CACNA1D: variants seen among roughly 807,000 people sequenced by gnomAD.
The protein encoded by CACNA1D is voltage-dependent L-type calcium channel subunit alpha-1D.
In CACNA1D, 55 loss-of-function variants were observed where a neutral mutation model predicts 257.1. The ratio of observed to expected loss-of-function variants is 0.21; its 90% CI spans 0.17 to 0.27. The LOEUF (loss-of-function observed/expected upper bound fraction) is 0.27, where lower values mean the gene tolerates loss of function less well. Ranked by LOEUF, CACNA1D falls within the 10% of genes least tolerant of loss-of-function variation. The pLI, the probability that CACNA1D is intolerant of heterozygous loss-of-function variation, is 1.00. For synonymous variants in CACNA1D, 980 were observed against 1,014.9 expected, an observed-to-expected ratio of 0.97 and a Z score of 0.65; for missense variants, 1,876 against 2,784.0, an observed-to-expected ratio of 0.67 and a Z score of 7.34.
intron 3 of CACNA1D, among the ~76,000 whole-genome samples, chr3:53,520,832 T>A (rs2091525823): frequency 6.6e-6 from 1 of 151,786 alleles, no homozygotes; most frequent in South Asian, 2.1e-4. Flanking sequence ...CCTTTTTGGA[T>A]TTATGATTTG....
At chr3:53,730,682 C>A in intron 16 of CACNA1D, 126 bp downstream of exon 16, 1 of 749,538 alleles carries the variant, frequency 1.3e-6, no homozygotes, top group East Asian at 2.7e-5. Flanking sequence ...CTTTGTGGAT[C>A]ATGGTTGACC....
At chr3:53,542,876 A>G (rs949563140) in intron 3 of CACNA1D, among the ~76,000 whole-genome samples, 104 of 152,022 alleles carry the variant, frequency 6.8e-4, no homozygotes, top group Non-Finnish European at 1.0e-3. Flanking sequence ...ACCAACATGG[A>G]GAAACCCTGT....
intron 29 of CACNA1D, among the ~76,000 whole-genome samples, chr3:53,758,500 G>C (rs559596071): frequency 6.6e-6 from 1 of 152,264 alleles, no homozygotes; most frequent in Admixed American, 6.5e-5. Flanking sequence ...TGGCAAGAGG[G>C]CCAGGAATAA....
chr3:53,732,177 G>A (rs1434713401), intron 18 of CACNA1D, 95 bp downstream of exon 18: 14 of 956,026 alleles, frequency 1.5e-5, no homozygotes, highest in Non-Finnish European at 2.4e-5. Flanking sequence ...CAGCCCAGCA[G>A]CGTGCACATG....
At chr3:53,695,874 C>A (rs890149354) in intron 8 of CACNA1D, among the ~76,000 whole-genome samples, 3 of 152,190 alleles carry the variant, frequency 2.0e-5, no homozygotes, top group African/African-American at 7.2e-5. Context: ...TCTGTTCCTC[C>A]TTGCCTACAG....
At chr3:53,654,519 A>G (rs542971667) in intron 4 of CACNA1D, among the ~76,000 whole-genome samples, 6 of 152,304 alleles carry the variant, frequency 3.9e-5, no homozygotes, top group Admixed American at 1.3e-4. Context: ...TTTAAGATGT[A>G]TATTGTAAAC....
In CACNA1D at chr3:53,609,251, A is replaced by C. The variant is rs574025857; in HGVS notation, c.484-41528A>C. ...TGGTGAAACCCCATCTCTACTAAAA[A>C]TACAAAAAATTAGCTGGGCACGGTG... On this transcript the variant is annotated intron_variant, in intron 3 of 47. Transcript: ENST00000350061. 3.9e-5 allele frequency among the ~76,000 whole-genome samples: 6 copies of C among 152,220 alleles called. 1 individual carries two copies. In the South Asian group the frequency reaches 1.2e-3, roughly 32 times the overall value.
intron 8 of CACNA1D, among the ~76,000 whole-genome samples, chr3:53,683,099 A>G (rs2094447117): frequency 6.6e-6 from 1 of 152,146 alleles, no homozygotes; most frequent in South Asian, 2.1e-4. Context: ...AGGGCAGAGT[A>G]TGGGTGAGAA....
intron 11 of CACNA1D, 107 bp downstream of exon 11, chr3:53,719,888 A>G: frequency 9.9e-7 from 1 of 1,010,886 alleles, no homozygotes; most frequent in Non-Finnish European, 1.6e-6. Flanking sequence ...TCCTCTGTGG[A>G]TTATAACATT....
At chr3:53,503,314 T>G (rs1012340370) in intron 3 of CACNA1D, among the ~76,000 whole-genome samples, 2 of 152,224 alleles carry the variant, frequency 1.3e-5, no homozygotes, top group African/African-American at 4.8e-5. Flanking sequence ...ATGTAGCTTT[T>G]GATTTCTTTG....
At chr3:53,562,662 C>T (rs1194177123) in intron 3 of CACNA1D, among the ~76,000 whole-genome samples, 2 of 151,810 alleles carry the variant, frequency 1.3e-5, no homozygotes, top group Admixed American at 1.3e-4. Context: ...CCTCCCCCCC[C>T]AAATTCTCTT....
At chr3:53,660,799 T>G (rs1415092861) in intron 5 of CACNA1D, among the ~76,000 whole-genome samples, 1 of 150,870 alleles carries the variant, frequency 6.6e-6, no homozygotes, top group Non-Finnish European at 1.5e-5. Context: ...TGAATGCTTC[T>G]TACCTGGTGA....
At chr3:53,533,475 G>C (rs1032260687) in intron 3 of CACNA1D, among the ~76,000 whole-genome samples, 5 of 152,160 alleles carry the variant, frequency 3.3e-5, no homozygotes, top group Admixed American at 6.5e-5. Flanking sequence ...TCATTTTTCT[G>C]TCTTCTTCTG....
At chr3:53,695,518 C>G (rs1044555518) in intron 8 of CACNA1D, among the ~76,000 whole-genome samples, 1 of 152,100 alleles carries the variant, frequency 6.6e-6, no homozygotes, top group African/African-American at 2.4e-5. Flanking sequence ...GATGGGGTGT[C>G]ACGGGGCCCT....
rs2095245264 is a variant in CACNA1D, at chr3:53,753,843, A to G, written c.3786+161A>G. ...AAATCTGATTAGAGCATGTGTGTAT[A>G]TATGGGAAAATGAATCTGCAAGAAC... On this transcript the variant is annotated intron_variant, in intron 29 of 47. Coordinates refer to ENST00000350061, the MANE Select transcript of CACNA1D (RefSeq NM_001128840.3). Among the ~76,000 whole-genome samples the G allele has an allele frequency of 2.0e-5, 3 of 152,382 alleles. No homozygotes were observed. The South Asian group carries it at 6.2e-4, about 32-fold the overall frequency.
Position 53,680,214 on chromosome 3 carries a change from G to A in CACNA1D, c.1220+7088G>A, listed in dbSNP as rs558618320. ...GGAAACGAGGTAAGTGAAAGTTTTC[G>A]CTGATCCTTGTTTCCATCAAGCTGA... On this transcript the variant is annotated intron_variant, in intron 8 of 47. Coordinates refer to ENST00000350061, the MANE Select transcript of CACNA1D (RefSeq NM_001128840.3). 7.9e-4 allele frequency among the ~76,000 whole-genome samples: 121 copies of A among 152,284 alleles called. No individual in the cohort carries two copies. In the South Asian group the frequency reaches 9.7e-3, roughly 12 times the overall value.
At chr3:53,590,856 C>T (rs766971003) in intron 3 of CACNA1D, among the ~76,000 whole-genome samples, 6 of 152,176 alleles carry the variant, frequency 3.9e-5, no homozygotes, top group Admixed American at 6.6e-5. Flanking sequence ...GGTGAGCATC[C>T]GGAAACATCT....
At chr3:53,803,622 G>A in intron 44 of CACNA1D, 50 bp downstream of exon 44, 3 of 1,597,204 alleles carry the variant, frequency 1.9e-6, no homozygotes, top group Non-Finnish European at 2.6e-6. Context: ...CTGCCCTGGT[G>A]CTCGGCCCAC....
chr3:53,656,084 G>T (rs2094145136), intron 4 of CACNA1D, among the ~76,000 whole-genome samples: 1 of 152,124 alleles, frequency 6.6e-6, no homozygotes, highest in South Asian at 2.1e-4. Context: ...AGATCAGATG[G>T]TCGTAGGTGT....
Sources: gnomAD v4.1 joint callset for allele counts (sites outside exome capture counted in the v4.1 genomes callset) on GRCh38, gnomAD v4.1.1 for gene constraint, MANE v1.5 for transcripts, NCBI Gene and HGNC (gene_info 2026-07-23, HGNC 2026-07-21) for gene names.